The following FOXP2 variants were observed in gnomAD, a reference collection of about 807,000 sequenced individuals.
The protein encoded by FOXP2 is forkhead box protein P2.
FOXP2 carries 12 observed loss-of-function variants against 115.8 expected under a neutral mutation model. The observed-to-expected ratio is 0.10, with a 90% confidence interval of 0.07 to 0.17. The LOEUF (loss-of-function observed/expected upper bound fraction) is 0.17. FOXP2 is among the 10% of genes least tolerant of loss of function. The probability of loss-of-function intolerance (pLI) is 1.00; values close to 1 mark genes in which losing one functional copy is unlikely to be tolerated. For missense variants in FOXP2, 629 were observed against 843.5 expected (o/e 0.75, Z 3.15); for synonymous variants, 328 against 297.7 (o/e 1.10, Z -1.05).
chr7:114,102,962 A>C (rs1297933349), intron 1 of FOXP2, among the ~76,000 whole-genome samples: 1 of 152,114 alleles, frequency 6.6e-6, no homozygotes, highest in East Asian at 1.9e-4. Flanking sequence ...TAAGTTGTTC[A>C]GTGCTTGACT....
At chr7:114,565,357 T>A (rs1263640930) in intron 3 of FOXP2, among the ~76,000 whole-genome samples, 2 of 152,130 alleles carry the variant, frequency 1.3e-5, no homozygotes, top group African/African-American at 4.8e-5. Context: ...ACTAAGTGAA[T>A]AATGGACTAA....
intron 1 of FOXP2, among the ~76,000 whole-genome samples, chr7:114,212,654 T>G (rs1423481844): frequency 6.6e-6 from 1 of 152,236 alleles, no homozygotes; most frequent in African/African-American, 2.4e-5. Context: ...TTGTTTTTTC[T>G]GTAGTTGTTT....
chr7:114,329,784 C>T (rs1023570264), intron 2 of FOXP2, among the ~76,000 whole-genome samples: 2 of 151,996 alleles, frequency 1.3e-5, no homozygotes, highest in Admixed American at 6.6e-5. Flanking sequence ...TCAAGCAGTT[C>T]TCCTGCCTCA....
chr7:114,444,734 T>C (rs571267350), intron 2 of FOXP2, among the ~76,000 whole-genome samples: 1 of 152,306 alleles, frequency 6.6e-6, no homozygotes, highest in East Asian at 1.9e-4. Flanking sequence ...TTTCAAATTC[T>C]GTATAACAGT....
chr7:114,111,077 C>T (rs568435527), intron 1 of FOXP2, among the ~76,000 whole-genome samples: 3 of 152,108 alleles, frequency 2.0e-5, no homozygotes, highest in East Asian at 1.9e-4. Flanking sequence ...GAAGTAACAG[C>T]CCTGTTAAGG....
intron 2 of FOXP2, among the ~76,000 whole-genome samples, chr7:114,304,762 T>C (rs1000553608): frequency 1.3e-5 from 2 of 151,312 alleles, no homozygotes; most frequent in African/African-American, 4.8e-5. Flanking sequence ...ATCCATGTTC[T>C]CTTAATGATA....
intron 1 of FOXP2, among the ~76,000 whole-genome samples, chr7:114,119,748 T>C (rs901527221): frequency 4.6e-5 from 7 of 152,150 alleles, no homozygotes; most frequent in African/African-American, 1.7e-4. Context: ...AATAGTATTT[T>C]TGATTCTTAA....
At chr7:114,618,455 A>G (rs367895051) in intron 3 of FOXP2, among the ~76,000 whole-genome samples, 4 of 152,230 alleles carry the variant, frequency 2.6e-5, no homozygotes, top group East Asian at 3.8e-4. Context: ...TAGTACTAGT[A>G]GAGACTATGG....
chr7:114,683,087 T>G (rs1808182447), intron 16 of FOXP2, among the ~76,000 whole-genome samples: 1 of 152,238 alleles, frequency 6.6e-6, no homozygotes, highest in South Asian at 2.1e-4. Flanking sequence ...GGGGAAAATT[T>G]TATGTACAGC....
At chr7:114,553,106 C>A (rs566838029) in intron 3 of FOXP2, among the ~76,000 whole-genome samples, 1 of 151,914 alleles carries the variant, frequency 6.6e-6, no homozygotes, top group South Asian at 2.1e-4. Flanking sequence ...TAGGAAAAAC[C>A]CTTGATCCTA....
intron 2 of FOXP2, among the ~76,000 whole-genome samples, chr7:114,522,864 C>A (rs1288573343): frequency 1.3e-5 from 2 of 151,872 alleles, no homozygotes; most frequent in Admixed American, 1.3e-4. Flanking sequence ...GGTGAGTTTG[C>A]CCAAGATCTG....
At chr7:114,616,701 A>T (rs543505697) in intron 3 of FOXP2, among the ~76,000 whole-genome samples, 2 of 152,248 alleles carry the variant, frequency 1.3e-5, no homozygotes, top group Admixed American at 1.3e-4. Flanking sequence ...AGGTAACTCC[A>T]CCTACACTAT....
At chr7:114,550,181 G>T (rs529600539) in intron 3 of FOXP2, among the ~76,000 whole-genome samples, 1 of 145,602 alleles carries the variant, frequency 6.9e-6, no homozygotes, top group Non-Finnish European at 1.5e-5. Context: ...GCAGTGGTGC[G>T]ATCTCGGCTC....
chr7:114,137,029 A>T (rs922948762), intron 1 of FOXP2, among the ~76,000 whole-genome samples: 1 of 152,012 alleles, frequency 6.6e-6, no homozygotes, highest in Non-Finnish European at 1.5e-5. Flanking sequence ...TTCTTGAAAA[A>T]CTTAATGTGC....
intron 2 of FOXP2, among the ~76,000 whole-genome samples, chr7:114,501,169 C>T (rs1416350543): frequency 2.6e-5 from 4 of 152,122 alleles, no homozygotes; most frequent in Admixed American, 1.3e-4. Flanking sequence ...TAAAGGTACA[C>T]TAAATTGGTA....
chr7:114,642,293 A>T, intron 6 of FOXP2, 117 bp from the exon 7 acceptor site: 3 of 793,164 alleles, frequency 3.8e-6, no homozygotes, highest in Non-Finnish European at 6.3e-6. Context: ...TTGTATATTA[A>T]TTTATGCAGG....
intron 2 of FOXP2, among the ~76,000 whole-genome samples, chr7:114,509,817 G>T (rs1038235366): frequency 1.2e-4 from 18 of 151,874 alleles, no homozygotes; most frequent in Admixed American, 9.2e-4. Context: ...AAATCTATGA[G>T]TTGTCAGCAT....
At chr7:114,181,849 C>G (rs1303891323) in intron 1 of FOXP2, among the ~76,000 whole-genome samples, 2 of 151,980 alleles carry the variant, frequency 1.3e-5, no homozygotes, top group Non-Finnish European at 2.9e-5. Context: ...ATAAAGAAAT[C>G]TATATCTGTA....
intron 2 of FOXP2, among the ~76,000 whole-genome samples, chr7:114,531,450 G>A (rs1436517237): frequency 6.6e-6 from 1 of 151,794 alleles, no homozygotes; most frequent in Non-Finnish European, 1.5e-5. Flanking sequence ...TCAGAGACCT[G>A]AGCAATTGTT....
Sources: allele counts gnomAD v4.1 joint callset (sites outside exome capture counted in the v4.1 genomes callset), GRCh38; gene constraint gnomAD v4.1.1; transcripts MANE v1.5; gene names NCBI Gene and HGNC (gene_info 2026-07-23, HGNC 2026-07-21).